Variants in FRY observed in about 807,000 individuals in gnomAD.
The protein encoded by FRY is FRY microtubule binding protein, also known as protein furry homolog.
A neutral mutation model predicts 348.4 loss-of-function variants in FRY; 128 were observed. The observed-to-expected ratio is 0.37, with a 90% CI of 0.32 to 0.43. The LOEUF is 0.43. Among genes scored for constraint, FRY ranks in the 20% least tolerant of loss-of-function variants. FRY has a pLI of 1.00. For missense variants in FRY, 2,736 were observed against 3,695.2 expected (o/e 0.74, Z 6.73); for synonymous variants, 1,370 against 1,374.7 (o/e 1.00, Z 0.08).
chr13:32,284,915 T>A (rs947572200), intron 58 of FRY, among the ~76,000 whole-genome samples: 4 of 152,248 alleles, frequency 2.6e-5, no homozygotes, highest in Non-Finnish European at 5.9e-5. Flanking sequence ...CAGATATGGC[T>A]ATGCTACTGT....
chr13:32,059,478 T>A (rs971501286), intron 1 of FRY, among the ~76,000 whole-genome samples: 5 of 109,632 alleles, frequency 4.6e-5, no homozygotes, highest in Admixed American at 9.5e-5. Flanking sequence ...AAAAAAAAAA[T>A]TTATAGAGAA....
chr13:32,239,727 A>G lies in FRY; in HGVS notation c.6533A>G (p.Lys2178Arg). The change falls in exon 46 of 61, where the codon AAG becomes AGG. Residue 2178 changes from lysine (K) to arginine (R), a missense_variant. Transcript: ENST00000542859. This position sits in a 1 kb window ranked among gnomAD's most constrained non-coding sequence, Gnocchi z 4.3. ...ERIAQVCLEE[K>R]NPKLSNLAHV... ...TTTTAAAAGGTTTGTTTAGAAGAGA[A>G]GAACCCCAAACTTTCAAATCTTGCA... is the stretch of plus-strand genomic sequence containing the variant. The G allele has an allele frequency of 6.2e-7, 1 of 1,612,622 alleles. No individual in the cohort carries two copies. The highest frequency in any genetic ancestry group is 1.1e-5 in the South Asian group (1 of 91,044).
At chr13:32,136,839 T>G (rs375073814) in intron 10 of FRY, 32 bp from the exon 11 acceptor site, 54 of 1,119,832 alleles carry the variant, frequency 4.8e-5, no homozygotes, top group Non-Finnish European at 7.1e-5. Flanking sequence ...GAAATATAAA[T>G]GATCCTGTGA....
chr13:32,140,892 T>C (rs1011861459), intron 11 of FRY, among the ~76,000 whole-genome samples: 2 of 152,202 alleles, frequency 1.3e-5, no homozygotes, highest in African/African-American at 2.4e-5. Context: ...AGTAATATAT[T>C]AAGGATTCCA....
rs747302893 is a variant in FRY at position 32,212,390 on chromosome 13, C to T, written c.4682+8C>T. The T allele has an allele frequency of 6.5e-7, 1 of 1,540,348 alleles. No homozygotes were observed. Among genetic ancestry groups the T allele is most frequent in the Non-Finnish European group, 8.9e-7 (1 of 1,117,696 alleles). On this transcript the variant is annotated splice_region_variant and intron_variant, in intron 35 of 60. Transcript: ENST00000542859. ...GAAAGAATCTGATGAAAGGTTGGTA[C>T]ACAAATTTGACTTAATATCCAGTGT...
intron 3 of FRY, among the ~76,000 whole-genome samples, chr13:32,115,461 C>T (rs1277229966): frequency 6.6e-6 from 1 of 152,192 alleles, no homozygotes; most frequent in Non-Finnish European, 1.5e-5. Flanking sequence ...CCTCCCCATA[C>T]ACAATTTGTA....
chr13:32,083,205 G>A (rs1305372988), intron 2 of FRY, among the ~76,000 whole-genome samples: 1 of 151,760 alleles, frequency 6.6e-6, no homozygotes, highest in Non-Finnish European at 1.5e-5. Context: ...GTTCTCTTAG[G>A]CTATATAACC....
chr13:32,212,416 A>T (rs1320483594), intron 35 of FRY, 34 bp downstream of exon 35: 5 of 1,191,262 alleles, frequency 4.2e-6, no homozygotes, highest in Non-Finnish European at 6.2e-6. Flanking sequence ...TATCCAGTGT[A>T]ATGTTCTGCA....
In FRY at chr13:32,208,780, T is replaced by A. The variant is rs1002817769; in HGVS notation, c.4019-73T>A. ...CGTAGGACACTGTTCAGTCTGCAAG[T>A]TGGCATTTGAATTTCCATTTATTTT... is the stretch of plus-strand genomic sequence containing the variant. On this transcript the variant is annotated intron_variant, in intron 31 of 60. Coordinates refer to ENST00000542859, the MANE Select transcript of FRY (RefSeq NM_023037.3). 3.2e-6 allele frequency: 5 copies of A among 1,555,950 alleles called. No individual in the cohort carries two copies. In the African/African-American group the frequency reaches 6.8e-5, roughly 21 times the overall value.
At chr13:32,072,445 C>G (rs899051956) in intron 1 of FRY, among the ~76,000 whole-genome samples, 2 of 151,722 alleles carry the variant, frequency 1.3e-5, no homozygotes, top group African/African-American at 4.8e-5. Flanking sequence ...TTTTTTGTCC[C>G]AACATTTTTG....
intron 1 of FRY, among the ~76,000 whole-genome samples, chr13:32,051,176 G>A (rs1345914992): frequency 6.6e-6 from 1 of 152,186 alleles, no homozygotes; most frequent in East Asian, 1.9e-4. Context: ...ATCCCAGGAT[G>A]TAGTTGGGTG....
Position 32,175,594 on chromosome 13 carries a change from A to G in FRY, c.2383A>G (p.Ile795Val), listed in dbSNP as rs372753231. The change falls in exon 20 of 61, where the codon ATT (isoleucine) becomes GTT (valine). Residue 795 changes from isoleucine (I) to valine (V), a missense_variant. Transcript: ENST00000542859. The part of the protein sequence containing the change: ...IDVMDQLSSS[I>V]LESFIHVAVS... ...TGTCATGGATCAGCTAAGTTCTTCCATTCTAGAAAGTTTTATTCATGTAGC... is the reference window on the plus strand; with the variant it reads ...TGTCATGGATCAGCTAAGTTCTTCCGTTCTAGAAAGTTTTATTCATGTAGC... The G allele has an allele frequency of 9.3e-6, 15 of 1,611,804 alleles. No individual in the cohort carries two copies. The Admixed American group carries it at 1.8e-4, about 20-fold the overall frequency.
chr13:32,044,454 C>G (rs1052721621), intron 1 of FRY, among the ~76,000 whole-genome samples: 2 of 152,188 alleles, frequency 1.3e-5, no homozygotes, highest in African/African-American at 4.8e-5. Flanking sequence ...CTCATTTAAA[C>G]TTCCTTACAT....
At position 32,159,206 on chromosome 13, in the gene FRY, C is replaced by G. The variant is rs150106966; in HGVS notation, c.1784+1801C>G. On this transcript the variant is annotated intron_variant, in intron 16 of 60. Coordinates refer to ENST00000542859, the MANE Select transcript of FRY (RefSeq NM_023037.3). ...ATATTTTTCGTGCTAGAATTCAAGG[C>G]AGATTCCTAAATAACTCATTGCATC... Among the ~76,000 whole-genome samples the G allele has an allele frequency of 8.3e-3, 1,261 of 151,594 alleles. 13 individuals carry two copies. The highest frequency in any genetic ancestry group is 0.012 in the Non-Finnish European group (834 of 67,896).
intron 41 of FRY, among the ~76,000 whole-genome samples, chr13:32,233,058 A>G (rs1886005831): frequency 6.6e-6 from 1 of 152,216 alleles, no homozygotes; most frequent in African/African-American, 2.4e-5. Flanking sequence ...CAAAATAAAG[A>G]CATAAAAAGC....
rs532634953 is a variant in FRY, at chr13:32,239,931, A to T, written c.6687+50A>T. The stretch of plus-strand genomic sequence containing the variant: ...GAGACAGGGTCTCATTATGTTGCCC[A>T]GGCTGATCTCAACTCTTGGGCTCAA... On this transcript the variant is annotated intron_variant, in intron 46 of 60. Coordinates refer to ENST00000542859, the MANE Select transcript of FRY (RefSeq NM_023037.3). The surrounding 1 kb of genome is among the most constrained non-coding windows in gnomAD (Gnocchi z 4.3). The T allele has an allele frequency of 6.5e-7, 1 of 1,527,442 alleles. No homozygotes were observed. The highest frequency in any genetic ancestry group is 2.3e-5 in the East Asian group (1 of 44,174). 94.6% of individuals were successfully genotyped at this position (1,527,442 alleles called of 1,614,324 possible).
intron 35 of FRY, among the ~76,000 whole-genome samples, chr13:32,216,751 A>G (rs1321204666): frequency 6.6e-6 from 1 of 152,212 alleles, no homozygotes. Flanking sequence ...GTTTATTTTC[A>G]TAAATACCAG....
At chr13:32,292,794 A>C (rs1298979658) in intron 59 of FRY, among the ~76,000 whole-genome samples, 1 of 144,182 alleles carries the variant, frequency 6.9e-6, no homozygotes, top group Admixed American at 6.8e-5. Context: ...CCATCTCAAT[A>C]AATAAATAAA....
chr13:32,212,325 G>A lies in FRY; in HGVS notation c.4625G>A (p.Gly1542Asp). ...TTSSSNTVVA[G>D]QENFPDAEEN... ...TCTAGCAGCAATACAGTGGTTGCTG[G>A]CCAGGAAAATTTCCCAGATGCTGAG... The change falls in exon 35 of 61, where the codon GGC becomes GAC. Residue 1542 changes from glycine (G) to aspartate (D), a missense_variant. Coordinates refer to ENST00000542859, the MANE Select transcript of FRY (RefSeq NM_023037.3). 1 of 1,610,634 alleles carries A rather than the reference G, an allele frequency of 6.2e-7. No individual in the cohort carries two copies. Among genetic ancestry groups the A allele is most frequent in the Non-Finnish European group, 8.5e-7 (1 of 1,177,456 alleles).
Sources: allele counts gnomAD v4.1 joint callset (sites outside exome capture counted in the v4.1 genomes callset), GRCh38; gene constraint gnomAD v4.1.1; non-coding constraint Gnocchi (gnomAD v3.1); transcripts MANE v1.5; gene names NCBI Gene and HGNC (gene_info 2026-07-23, HGNC 2026-07-21).